Variants in PFKL observed in about 807,000 individuals in gnomAD.
PFKL encodes the protein phosphofructokinase, liver type, also known as ATP-dependent 6-phosphofructokinase, liver type.
Under a neutral mutation model 92.1 loss-of-function variants are expected in PFKL, and 74 were observed. The observed-to-expected ratio is 0.80, with a 90% confidence interval of 0.67 to 0.97. The LOEUF (loss-of-function observed/expected upper bound fraction) is 0.97. Among genes scored for constraint, PFKL ranks in the 50% least tolerant of loss-of-function variants. The pLI, the probability that PFKL is intolerant of heterozygous loss-of-function variation, is 0.00. For missense variants in PFKL, 1,028 were observed against 1,116.6 expected, an observed-to-expected ratio of 0.92 and a Z score of 1.13; for synonymous variants, 494 against 456.4, an observed-to-expected ratio of 1.08 and a Z score of -1.05.
chr21:44,306,894 T>A, intron 2 of PFKL, 140 bp downstream of exon 2: 1 of 735,278 alleles, frequency 1.4e-6, no homozygotes, highest in Non-Finnish European at 2.3e-6. Flanking sequence ...TCTTGGGGAG[T>A]GTGAGGGGGA....
chr21:44,322,280 A>G (rs1057471555), intron 14 of PFKL, 77 bp downstream of exon 14: 1 of 1,382,108 alleles, frequency 7.2e-7, no homozygotes, highest in Non-Finnish European at 9.9e-7. Flanking sequence ...GGGGGCGGCA[A>G]GGGGAACCCA....
intron 2 of PFKL, 33 bp from the exon 3 acceptor site, chr21:44,310,973 C>A: frequency 6.4e-7 from 1 of 1,572,966 alleles, no homozygotes; most frequent in Non-Finnish European, 8.7e-7. Context: ...CATGGGGTCC[C>A]CTATCTCATG....
At chr21:44,314,114 T>G in intron 7 of PFKL, 93 bp downstream of exon 7, 1 of 833,254 alleles carries the variant, frequency 1.2e-6, no homozygotes, top group Non-Finnish European at 2.0e-6. Flanking sequence ...CCAACTCATC[T>G]ATCACTCATG....
chr21:44,301,089 G>A (rs536298222), intron 1 of PFKL, among the ~76,000 whole-genome samples: 1 of 152,334 alleles, frequency 6.6e-6, no homozygotes, highest in African/African-American at 2.4e-5. Context: ...GAAAATGGTT[G>A]AGAAAATGCG....
chr21:44,313,193 C>T (rs765052989), intron 5 of PFKL, 50 bp downstream of exon 5: 24 of 1,589,582 alleles, frequency 1.5e-5, no homozygotes, highest in South Asian at 7.7e-5. Context: ...CCTCCCCGCA[C>T]GGTGGTGAGG....
chr21:44,302,779 C>G (rs1238859315), intron 1 of PFKL, among the ~76,000 whole-genome samples: 1 of 152,242 alleles, frequency 6.6e-6, no homozygotes, highest in East Asian at 1.9e-4. Context: ...GGGGACAAGA[C>G]AGGCCACCTT....
chr21:44,310,580 A>G (rs942483086), intron 2 of PFKL, among the ~76,000 whole-genome samples: 2 of 152,178 alleles, frequency 1.3e-5, no homozygotes, highest in African/African-American at 4.8e-5. Context: ...GGAGGACTCC[A>G]GTGGGGACAG....
In PFKL at chr21:44,312,160, G is replaced by A. The variant is rs201919457; in HGVS notation, c.293G>A (p.Arg98His). 3.8e-6 allele frequency: 6 copies of A among 1,591,292 alleles called. No homozygotes were observed. Among genetic ancestry groups the A allele is most frequent in the East Asian group, 4.7e-5 (2 of 43,004 alleles). The change falls in exon 4 of 22, where the codon CGC becomes CAC. Residue 98 changes from arginine to histidine, a missense_variant. Coordinates refer to ENST00000349048, the MANE Select transcript of PFKL (RefSeq NM_002626.6). ...AAGGCCTTTACCACCAGGGAGGGGCGCCGGGCAGCGGCCTACAACCTGGTC... is the reference window on the plus strand; with the variant it reads ...AAGGCCTTTACCACCAGGGAGGGGCACCGGGCAGCGGCCTACAACCTGGTC... Reference protein sequence around the residue: ...RCKAFTTREGRRAAAYNLVQH... With the variant: ...RCKAFTTREGHRAAAYNLVQH...
At chr21:44,313,841 C>A in intron 6 of PFKL, 72 bp from the exon 7 acceptor site, 1 of 1,360,280 alleles carries the variant, frequency 7.4e-7, no homozygotes. Flanking sequence ...CAGAGTCGGA[C>A]CTCTGGGTAC....
At chr21:44,318,287 G>A (rs1401918552) in intron 9 of PFKL, among the ~76,000 whole-genome samples, 183 bp from the exon 10 acceptor site, 2 of 152,258 alleles carry the variant, frequency 1.3e-5, no homozygotes, top group African/African-American at 4.8e-5. Flanking sequence ...CTGTGAAATG[G>A]TGTCTGGTGT....
chr21:44,316,135 C>G, intron 7 of PFKL, 109 bp from the exon 8 acceptor site: 1 of 946,852 alleles, frequency 1.1e-6, no homozygotes, highest in South Asian at 1.4e-5. Flanking sequence ...TGCCCTGGCC[C>G]ATGTGGGTTG....
rs743484 is a variant in PFKL at position 44,324,780 on chromosome 21, T to C, written c.1816-76T>C. 10,890 of 1,582,540 alleles carry C rather than the reference T, an allele frequency of 6.9e-3. 601 individuals are homozygous for C. In the African/African-American group the frequency reaches 0.13, roughly 18 times the overall value. On this transcript the variant is annotated intron_variant, in intron 17 of 21. Transcript: ENST00000349048. ...GGGACGCGTAGCCCAGTGCTCCTGC[T>C]GGCCCCGGATCGCCGGTCAGCCTGG...
At chr21:44,301,447 G>A (rs1270828672) in intron 1 of PFKL, among the ~76,000 whole-genome samples, 1 of 131,034 alleles carries the variant, frequency 7.6e-6, no homozygotes, top group Non-Finnish European at 1.6e-5. Flanking sequence ...CCGTGTTGTC[G>A]AGAGGGGAGG....
chr21:44,317,658 T>C (rs963087248), intron 9 of PFKL, among the ~76,000 whole-genome samples: 2 of 152,182 alleles, frequency 1.3e-5, no homozygotes, highest in African/African-American at 4.8e-5. Context: ...AGCGTCAGCA[T>C]TCTTGTGCTC....
Position 44,326,208 on chromosome 21 carries a change from G to A in PFKL, c.2139G>A (p.Lys713=), listed in dbSNP as rs747945373. Residue 713 remains lysine (K), a synonymous_variant, in exon 21 of 22, where the codon AAG becomes AAA. Coordinates refer to ENST00000349048, the MANE Select transcript of PFKL (RefSeq NM_002626.6). ...ACTCGGCCTGCGTGATCGGCCTGAA[G>A]AAGAAGGCGGTGGCCTTCAGCCCCG... ...APDSACVIGL[K]KKAVAFSPVT... is the part of the protein sequence containing the mutation. 1 of 1,613,134 alleles carries A rather than the reference G, an allele frequency of 6.2e-7. No homozygotes were observed. The highest frequency in any genetic ancestry group is 1.1e-5 in the South Asian group (1 of 91,038).
At chr21:44,315,000 G>A (rs916528700) in intron 7 of PFKL, 1 of 152,232 alleles carries the variant, frequency 6.6e-6, no homozygotes, top group African/African-American at 2.4e-5. Flanking sequence ...TTCCACCTCC[G>A]CGTGGCTGTA....
chr21:44,313,490 G>C, intron 5 of PFKL, 148 bp from the exon 6 acceptor site: 5 of 755,506 alleles, frequency 6.6e-6, no homozygotes, highest in Non-Finnish European at 8.8e-6. Flanking sequence ...GGATCCCAAG[G>C]TATCTTTTAG....
intron 11 of PFKL, 192 bp downstream of exon 11, chr21:44,319,607 T>C (rs2047307576): frequency 3.3e-6 from 2 of 605,850 alleles, no homozygotes; most frequent in Non-Finnish European, 5.9e-6. Context: ...CAGGAGACCC[T>C]GGGCGGTGGC....
intron 21 of PFKL, 27 bp downstream of exon 21, chr21:44,326,291 G>A: frequency 1.3e-6 from 2 of 1,534,898 alleles, no homozygotes; most frequent in Non-Finnish European, 1.8e-6. Flanking sequence ...CCTCGTGGAG[G>A]CGGGTGGGGC....
Sources: gnomAD v4.1 joint callset for allele counts (sites outside exome capture counted in the v4.1 genomes callset) on GRCh38, gnomAD v4.1.1 for gene constraint, MANE v1.5 for transcripts, NCBI Gene and HGNC (gene_info 2026-07-23, HGNC 2026-07-21) for gene names.